The following EYS variants were observed in gnomAD, a reference collection of about 807,000 sequenced individuals.
The protein encoded by EYS is protein eyes shut homolog.
In EYS, 250 loss-of-function variants were observed where a neutral mutation model predicts 282.1. The ratio of observed to expected loss-of-function variants is 0.89; its 90% CI spans 0.80 to 0.98. EYS has a LOEUF of 0.98. Among genes scored for constraint, EYS ranks in the 50% least tolerant of loss-of-function variants. EYS has a pLI of 0.00. For missense variants in EYS, 4,016 were observed against 3,709.0 expected (o/e 1.08, Z -2.15); for synonymous variants, 1,355 against 1,282.9 (o/e 1.06, Z -1.20).
chr6:63,892,508 G>GGGAAAACTGGCTAGTCATATGC, intron 35 of EYS, among the ~76,000 whole-genome samples: 1 of 152,254 alleles, frequency 6.6e-6, no homozygotes, highest in South Asian at 2.1e-4. Flanking sequence ...AAATGGTGTT[G>GGGAAAACTGGCTAGTCATATGC]GGAAAACTGG....
intron 13 of EYS, among the ~76,000 whole-genome samples, chr6:65,023,494 G>A (rs1441883625): frequency 6.6e-6 from 1 of 152,192 alleles, no homozygotes; most frequent in Non-Finnish European, 1.5e-5. Context: ...TGTTGTTGAA[G>A]TGGCGATAAT....
At chr6:64,159,197 T>C (rs1775024715) in intron 31 of EYS, among the ~76,000 whole-genome samples, 1 of 152,180 alleles carries the variant, frequency 6.6e-6, no homozygotes, top group African/African-American at 2.4e-5. Context: ...CAGATTATAA[T>C]ACCTAATACA....
intron 12 of EYS, among the ~76,000 whole-genome samples, chr6:65,093,443 A>G (rs975024723): frequency 1.3e-5 from 2 of 152,020 alleles, no homozygotes; most frequent in Non-Finnish European, 2.9e-5. Flanking sequence ...ACTAAGCATA[A>G]CCACAAAAAT....
At chr6:64,872,814 T>C (rs558397498) in intron 19 of EYS, among the ~76,000 whole-genome samples, 1 of 151,894 alleles carries the variant, frequency 6.6e-6, no homozygotes, top group Non-Finnish European at 1.5e-5. Flanking sequence ...CCCCAGTACC[T>C]AGACAAGTTG....
chr6:64,781,430 ATGGC>A (rs1562188489), intron 22 of EYS, among the ~76,000 whole-genome samples: 1 of 151,944 alleles, frequency 6.6e-6, no homozygotes, highest in East Asian at 1.9e-4. Flanking sequence ...AATGACACTT[ATGGC>A]CGGGCGGTGG....
intron 26 of EYS, among the ~76,000 whole-genome samples, chr6:64,526,109 C>T (rs1025717864): frequency 1.3e-5 from 2 of 151,692 alleles, no homozygotes; most frequent in Non-Finnish European, 3.0e-5. Context: ...TGTATAATTC[C>T]ATTTATATAC....
At chr6:63,836,564 G>T (rs112060319) in intron 36 of EYS, among the ~76,000 whole-genome samples, 25 of 152,082 alleles carry the variant, frequency 1.6e-4, no homozygotes, top group Middle Eastern at 3.4e-3. Flanking sequence ...GGTAGAAAAA[G>T]TCATTGTTCT....
At chr6:63,996,564 T>C (rs1582100504) in intron 34 of EYS, among the ~76,000 whole-genome samples, 2 of 151,792 alleles carry the variant, frequency 1.3e-5, no homozygotes, top group Admixed American at 1.3e-4. Context: ...ATAAATCAGA[T>C]TAGAAATAAA....
intron 19 of EYS, among the ~76,000 whole-genome samples, chr6:64,833,266 T>C: frequency 6.6e-6 from 1 of 152,040 alleles, no homozygotes; most frequent in Non-Finnish European, 1.5e-5. Flanking sequence ...AAATGAATAA[T>C]GATTTTGTGA....
At chr6:65,382,788 G>C (rs965865575) in intron 8 of EYS, among the ~76,000 whole-genome samples, 1 of 151,916 alleles carries the variant, frequency 6.6e-6, no homozygotes, top group Non-Finnish European at 1.5e-5. Flanking sequence ...TTTTCTGCCT[G>C]CTTTATATTT....
At chr6:65,235,631 G>A (rs1002098738) in intron 12 of EYS, among the ~76,000 whole-genome samples, 5 of 152,186 alleles carry the variant, frequency 3.3e-5, no homozygotes, top group African/African-American at 9.6e-5. Flanking sequence ...TGAACAAGTC[G>A]CTAATCTTCA....
Position 65,490,612 on chromosome 6 carries a change from A to T in EYS, c.844T>A (p.Cys282Ser), listed in dbSNP as rs1270933634. 3 of 1,609,222 alleles carry T rather than the reference A, an allele frequency of 1.9e-6. No homozygotes were observed. The highest frequency in any genetic ancestry group is 2.6e-6 in the Non-Finnish European group (3 of 1,175,960). The change falls in exon 5 of 43, where the codon TGT (cysteine) becomes AGT (serine). Residue 282 changes from cysteine (C) to serine (S), a missense_variant. Cys to Ser is a moderately radical substitution (Grantham distance 112, BLOSUM62 -1). Coordinates refer to ENST00000503581, the MANE Select transcript of EYS (RefSeq NM_001142800.2). Reference sequence around the variant, plus strand: ...TTTTTACCTGAAAATTGCTCATCACATTCACAAATGAAACTATTTGAAGTA... The same window carrying T: ...TTTTTACCTGAAAATTGCTCATCACTTTCACAAATGAAACTATTTGAAGTA... ...NITSNSFICECDEQFSGPFCE... is the reference protein window; with the variant it reads ...NITSNSFICESDEQFSGPFCE...
chr6:63,936,181 A>C (rs748713630), intron 35 of EYS, among the ~76,000 whole-genome samples: 56 of 152,200 alleles, frequency 3.7e-4, no homozygotes, highest in Non-Finnish European at 6.2e-4. Flanking sequence ...TAGCCCTTTG[A>C]CATTAAACCT....
chr6:64,941,239 G>A (rs1769080340), intron 15 of EYS, among the ~76,000 whole-genome samples: 1 of 151,948 alleles, frequency 6.6e-6, no homozygotes, highest in South Asian at 2.1e-4. Context: ...AAATTATCCA[G>A]GCATGGTGTC....
intron 19 of EYS, among the ~76,000 whole-genome samples, chr6:64,829,341 A>G (rs1257425131): frequency 6.6e-6 from 1 of 151,986 alleles, no homozygotes. Flanking sequence ...CATGGACCCA[A>G]TGTATGGGCT....
intron 2 of EYS, among the ~76,000 whole-genome samples, chr6:65,519,093 T>A (rs541674270): frequency 6.6e-6 from 1 of 152,268 alleles, no homozygotes; most frequent in South Asian, 2.1e-4. Flanking sequence ...TTCTGGGATA[T>A]CCCTCTCTTT....
intron 40 of EYS, among the ~76,000 whole-genome samples, chr6:63,764,515 G>A (rs1393412675): frequency 2.0e-5 from 3 of 151,856 alleles, no homozygotes; most frequent in Non-Finnish European, 4.4e-5. Context: ...ACTTTTTAAA[G>A]TGACGATTGC....
chr6:64,266,273 AGT>A lies in EYS; in HGVS notation c.6192-35451_6192-35450del, dbSNP rs1023148157. 8.5e-5 allele frequency among the ~76,000 whole-genome samples: 13 copies of A among 152,258 alleles called. No individual in the cohort carries two copies. The East Asian group carries it at 2.5e-3, about 29-fold the overall frequency. On this transcript the variant is annotated intron_variant, in intron 30 of 42. Transcript: ENST00000503581. The stretch of plus-strand genomic sequence containing the variant: ...GTTTTAATTAAGATGATTAAGTTTT[AGT>A]TTGGTATTAATACATGGGTAATACC...
rs138027279 is a variant in EYS, at chr6:64,071,987, C to T, written c.6572-5496G>A. Among the ~76,000 whole-genome samples, 405 of 151,638 alleles carry T rather than the reference C, an allele frequency of 2.7e-3. 5 individuals are homozygous for T. Among genetic ancestry groups the T allele is most frequent in the Admixed American group, 0.021 (316 of 15,166 alleles). On this transcript the variant is annotated intron_variant, in intron 32 of 42. Transcript: ENST00000503581. ...ACATGGTTGAAGAAACATATAGAGC[C>T]GGGGGGACATAAAAAATCCAAGGCA...
Sources: gnomAD v4.1 joint callset for allele counts (sites outside exome capture counted in the v4.1 genomes callset) on GRCh38, gnomAD v4.1.1 for gene constraint, MANE v1.5 for transcripts, NCBI Gene and HGNC (gene_info 2026-07-23, HGNC 2026-07-21) for gene names.